Variants in DIPK1A observed in about 807,000 individuals in gnomAD.
The protein encoded by DIPK1A is divergent protein kinase domain 1A.
In DIPK1A, 27 loss-of-function variants were observed where a neutral mutation model predicts 40.8. That is an observed-to-expected ratio of 0.66 (90% CI 0.49 to 0.91). DIPK1A has a LOEUF of 0.91. Among genes scored for constraint, DIPK1A ranks in the 40% least tolerant of loss-of-function variants. DIPK1A has a pLI of 0.00. For synonymous variants in DIPK1A, 166 were observed against 171.3 expected (o/e 0.97, Z 0.24); for missense variants, 412 against 505.7 (o/e 0.81, Z 1.78).
chr1:92,886,067 T>C (rs561305815), intron 1 of DIPK1A, among the ~76,000 whole-genome samples: 29 of 152,270 alleles, frequency 1.9e-4, no homozygotes, highest in African/African-American at 6.5e-4. Flanking sequence ...GCACAGAGGC[T>C]CATGCCTGTA....
chr1:92,837,295 T>C (rs1157569686), downstream of DIPK1A: 4 of 783,196 alleles, frequency 5.1e-6, no homozygotes, highest in African/African-American at 3.4e-5. Context: ...AGCTGCTGAA[T>C]GATGATATCC....
At chr1:92,923,010 C>T (rs1407942263) in intron 1 of DIPK1A, among the ~76,000 whole-genome samples, 1 of 152,106 alleles carries the variant, frequency 6.6e-6, no homozygotes, top group African/African-American at 2.4e-5. Context: ...AGGGTGAATC[C>T]TGCTTTTAAC....
intron 2 of DIPK1A, among the ~76,000 whole-genome samples, chr1:92,851,862 G>A (rs1039105991): frequency 3.9e-5 from 6 of 152,134 alleles, no homozygotes; most frequent in Non-Finnish European, 8.8e-5. Flanking sequence ...CCATTATCCT[G>A]GTTGCAACAA....
chr1:92,884,434 C>G (rs1648510032), intron 1 of DIPK1A, among the ~76,000 whole-genome samples: 1 of 151,902 alleles, frequency 6.6e-6, no homozygotes, highest in African/African-American at 2.4e-5. Context: ...ACCTAGGTGA[C>G]AGAGCAAGAC....
chr1:92,845,136 AC>A (rs1167498930), intron 4 of DIPK1A, among the ~76,000 whole-genome samples: 11 of 150,866 alleles, frequency 7.3e-5, no homozygotes, highest in African/African-American at 2.7e-4. Flanking sequence ...TTTAGTAGAG[AC>A]GGGGTTTCAC....
intron 1 of DIPK1A, among the ~76,000 whole-genome samples, chr1:92,952,645 T>C (rs1241499775): frequency 6.6e-6 from 1 of 152,132 alleles, no homozygotes; most frequent in Non-Finnish European, 1.5e-5. Context: ...CTACAGTTTA[T>C]ATTTTCTGAA....
chr1:92,949,307 T>C (rs1651534985), intron 1 of DIPK1A, among the ~76,000 whole-genome samples: 1 of 151,924 alleles, frequency 6.6e-6, no homozygotes, highest in African/African-American at 2.4e-5. Flanking sequence ...AGAGTTTCGC[T>C]CTTGTTGCCC....
intron 1 of DIPK1A, among the ~76,000 whole-genome samples, chr1:92,923,797 T>C (rs1266838606): frequency 2.0e-5 from 3 of 152,206 alleles, no homozygotes; most frequent in Non-Finnish European, 4.4e-5. Context: ...CCCAGTGTCT[T>C]AACAGGCTTC....
intron 4 of DIPK1A, chr1:92,835,392 CTTA>C (rs1687078079): frequency 4.7e-6 from 1 of 210,616 alleles, no homozygotes; most frequent in African/African-American, 2.3e-5. Flanking sequence ...GTGGCTCACA[CTTA>C]TAATCCCAGC....
intron 1 of DIPK1A, among the ~76,000 whole-genome samples, chr1:92,891,662 C>T (rs1054711839): frequency 3.9e-5 from 6 of 152,052 alleles, no homozygotes; most frequent in South Asian, 2.1e-4. Context: ...ACAGTGGGTG[C>T]AGGACAGTGG....
At chr1:92,959,448 CTTTTTTTT>C (rs1012376544) in intron 1 of DIPK1A, among the ~76,000 whole-genome samples, 2 of 115,462 alleles carry the variant, frequency 1.7e-5, no homozygotes, top group East Asian at 5.0e-4. Flanking sequence ...CAGTAAAACA[CTTTTTTTT>C]TTTTTTTTTT....
chr1:92,845,168 C>T (rs1047863807), intron 4 of DIPK1A, among the ~76,000 whole-genome samples: 5 of 151,150 alleles, frequency 3.3e-5, no homozygotes, highest in South Asian at 2.1e-4. Flanking sequence ...AGGATGGTCT[C>T]GATCTCCTGA....
chr1:92,928,553 G>T (rs927573901), intron 1 of DIPK1A, among the ~76,000 whole-genome samples: 6 of 152,180 alleles, frequency 3.9e-5, no homozygotes, highest in African/African-American at 1.4e-4. Context: ...TCTTTAGCCT[G>T]AAGTACTTAT....
chr1:92,941,736 A>G (rs1434917961), intron 1 of DIPK1A, among the ~76,000 whole-genome samples: 1 of 152,244 alleles, frequency 6.6e-6, no homozygotes, highest in African/African-American at 2.4e-5. Context: ...ATTCTCTGGC[A>G]GAGCAATGTT....
At chr1:92,959,635 T>C (rs1170324563) in intron 1 of DIPK1A, among the ~76,000 whole-genome samples, 1 of 151,478 alleles carries the variant, frequency 6.6e-6, no homozygotes, top group African/African-American at 2.4e-5. Flanking sequence ...GTATTTTTAG[T>C]AGAGACGGGG....
At chr1:92,836,376 T>C (rs1262672077) in intron 4 of DIPK1A, 1 of 1,614,032 alleles carries the variant, frequency 6.2e-7, no homozygotes, top group African/African-American at 1.3e-5. Context: ...GGATGGAGGC[T>C]TGTCTATCCC....
intron 1 of DIPK1A, chr1:92,877,202 C>CT: frequency 7.0e-6 from 6 of 857,246 alleles, no homozygotes; most frequent in Non-Finnish European, 8.4e-6. Context: ...TGGTTGATGC[C>CT]TTTTTTCCAT....
At chr1:92,909,655 G>A (rs1330738347) in intron 1 of DIPK1A, among the ~76,000 whole-genome samples, 9 of 152,180 alleles carry the variant, frequency 5.9e-5, no homozygotes, top group Non-Finnish European at 1.2e-4. Context: ...ATAAGCCCAA[G>A]CGAAGATGTT....
chr1:92,927,066 T>C (rs1028561976), intron 1 of DIPK1A, among the ~76,000 whole-genome samples: 3 of 152,200 alleles, frequency 2.0e-5, no homozygotes, highest in African/African-American at 7.2e-5. Context: ...TGTTCCTCTT[T>C]TGGGGTGAAC....
Sources: allele counts gnomAD v4.1 joint callset (sites outside exome capture counted in the v4.1 genomes callset), GRCh38; gene constraint gnomAD v4.1.1; transcripts MANE v1.5; gene names NCBI Gene and HGNC (gene_info 2026-07-23, HGNC 2026-07-21).